ABLIM1: variants seen among roughly 807,000 people sequenced by gnomAD.
ABLIM1 encodes the protein actin-binding LIM protein 1.
In ABLIM1, 40 loss-of-function variants were observed where a neutral mutation model predicts 107.0. The observed-to-expected ratio is 0.37, with a 90% CI of 0.29 to 0.49. ABLIM1 has a LOEUF of 0.49. ABLIM1 is among the 20% of genes least tolerant of loss of function. The pLI is 0.97. For missense variants in ABLIM1, 857 were observed against 1,008.5 expected, an observed-to-expected ratio of 0.85 and a Z score of 2.04; for synonymous variants, 357 against 357.3, an observed-to-expected ratio of 1.00 and a Z score of 0.01.
chr10:114,726,383 G>A (rs567159184), intron 1 of ABLIM1, among the ~76,000 whole-genome samples: 4 of 152,084 alleles, frequency 2.6e-5, no homozygotes, highest in South Asian at 4.2e-4. Context: ...GAAGCATAGC[G>A]GCATCTGCTT....
intron 1 of ABLIM1, among the ~76,000 whole-genome samples, chr10:114,645,004 T>C (rs1248479988): frequency 6.6e-6 from 1 of 152,104 alleles, no homozygotes; most frequent in African/African-American, 2.4e-5. Context: ...CCTATTTTGA[T>C]TGGGTTATTG....
chr10:114,771,020 G>C (rs1461980092), upstream of ABLIM1, among the ~76,000 whole-genome samples: 1 of 152,078 alleles, frequency 6.6e-6, no homozygotes, highest in Non-Finnish European at 1.5e-5. Context: ...TAGTAGAGAC[G>C]GGGTTTTACC....
At chr10:114,539,592 T>C (rs964268798) in intron 6 of ABLIM1, among the ~76,000 whole-genome samples, 5 of 152,184 alleles carry the variant, frequency 3.3e-5, no homozygotes, top group African/African-American at 1.2e-4. Flanking sequence ...AGTCCTTACT[T>C]GATTACACCC....
At chr10:114,772,538 T>A (rs1353349106), upstream of ABLIM1, among the ~76,000 whole-genome samples, 1 of 152,044 alleles carries the variant, frequency 6.6e-6, no homozygotes, top group Non-Finnish European at 1.5e-5. Context: ...GCCCAGGAGA[T>A]TGAGGCTGCG....
At chr10:114,479,051 T>C (rs1365062953) in intron 8 of ABLIM1, among the ~76,000 whole-genome samples, 1 of 152,224 alleles carries the variant, frequency 6.6e-6, no homozygotes, top group African/African-American at 2.4e-5. Context: ...TACTAGTTGT[T>C]TGATGTTACA....
intron 1 of ABLIM1, among the ~76,000 whole-genome samples, chr10:114,638,278 T>C (rs980893792): frequency 6.6e-6 from 1 of 152,202 alleles, no homozygotes; most frequent in African/African-American, 2.4e-5. Context: ...AATTTAATAA[T>C]TGCTTCAAAG....
intron 1 of ABLIM1, among the ~76,000 whole-genome samples, chr10:114,683,634 G>A (rs562046392): frequency 3.9e-5 from 6 of 152,192 alleles, no homozygotes; most frequent in East Asian, 3.9e-4. Context: ...AATTACCCAC[G>A]AGTCTACTCT....
chr10:114,440,932 G>A (rs772131044), intron 19 of ABLIM1, 85 bp downstream of exon 19: 7 of 1,297,408 alleles, frequency 5.4e-6, no homozygotes, highest in Non-Finnish European at 6.6e-6. Flanking sequence ...AATACAGCAT[G>A]AACACAGCCA....
intron 1 of ABLIM1, among the ~76,000 whole-genome samples, chr10:114,614,747 C>A (rs1006396095): frequency 6.6e-6 from 1 of 152,074 alleles, no homozygotes; most frequent in Non-Finnish European, 1.5e-5. Context: ...GGGTTCAGGG[C>A]ACAGCTATGA....
intron 8 of ABLIM1, among the ~76,000 whole-genome samples, chr10:114,476,019 A>G (rs1317799228): frequency 1.3e-5 from 2 of 152,234 alleles, no homozygotes; most frequent in African/African-American, 2.4e-5. Context: ...TTGTCTCACT[A>G]TGCTGTTCAC....
At chr10:114,667,628 A>T (rs948231393) in intron 1 of ABLIM1, among the ~76,000 whole-genome samples, 8 of 152,358 alleles carry the variant, frequency 5.3e-5, no homozygotes, top group Middle Eastern at 3.4e-3. Flanking sequence ...GTCTGTCAAG[A>T]TATAGAACAC....
intron 16 of ABLIM1, 63 bp downstream of exon 16, chr10:114,445,249 C>CA: frequency 6.8e-7 from 1 of 1,466,766 alleles, no homozygotes; most frequent in Non-Finnish European, 9.5e-7. Context: ...AGTAGTCATT[C>CA]AAAAAATATA....
intron 1 of ABLIM1, among the ~76,000 whole-genome samples, chr10:114,644,319 ATATATATATATG>A (rs2078910279): frequency 1.6e-5 from 2 of 124,560 alleles, no homozygotes; most frequent in African/African-American, 7.1e-5. Context: ...ATATATATAT[ATATATATATATG>A]TGTATATATT....
intron 1 of ABLIM1, among the ~76,000 whole-genome samples, chr10:114,736,221 G>A (rs1304457102): frequency 6.6e-6 from 1 of 152,172 alleles, no homozygotes; most frequent in Non-Finnish European, 1.5e-5. Flanking sequence ...TCTGTCACCT[G>A]TAAAGAATAG....
chr10:114,444,669 T>C (rs1238321118), intron 16 of ABLIM1, among the ~76,000 whole-genome samples: 1 of 152,188 alleles, frequency 6.6e-6, no homozygotes, highest in Admixed American at 6.5e-5. Flanking sequence ...ACTGAGATCA[T>C]ACTATAAATG....
At chr10:114,522,348 A>T (rs1477206678) in intron 6 of ABLIM1, among the ~76,000 whole-genome samples, 1 of 152,212 alleles carries the variant, frequency 6.6e-6, no homozygotes, top group Non-Finnish European at 1.5e-5. Context: ...ATAAGGGCCA[A>T]CATCTTCTTT....
chr10:114,463,762 G>A (rs1054152376), intron 12 of ABLIM1, among the ~76,000 whole-genome samples: 11 of 152,132 alleles, frequency 7.2e-5, no homozygotes, highest in Admixed American at 5.9e-4. Flanking sequence ...AACCCAGACC[G>A]AGGGGGTTTT....
At chr10:114,718,050 A>AAAGAAAGAAAGG (rs1169254862) in intron 1 of ABLIM1, among the ~76,000 whole-genome samples, 1,366 of 79,104 alleles carry the variant, frequency 0.017, 26 homozygotes, top group African/African-American at 0.033. Context: ...AAAGAGAAAG[A>AAAGAAAGAAAGG]AAGAAAGAAA....
chr10:114,598,513 G>A (rs1464583332), intron 2 of ABLIM1, among the ~76,000 whole-genome samples: 1 of 152,002 alleles, frequency 6.6e-6, no homozygotes, highest in Non-Finnish European at 1.5e-5. Context: ...CCTTGAACCT[G>A]GAAGGCAGAG....
Sources: gnomAD v4.1 joint callset for allele counts (sites outside exome capture counted in the v4.1 genomes callset) on GRCh38, gnomAD v4.1.1 for gene constraint, MANE v1.5 for transcripts, NCBI Gene and HGNC (gene_info 2026-07-23, HGNC 2026-07-21) for gene names.